The following CLTA variants were observed in gnomAD, a reference collection of about 807,000 sequenced individuals.
CLTA encodes the protein clathrin, light polypeptide (Lca).
Under a neutral mutation model 26.9 loss-of-function variants are expected in CLTA, and 9 were observed. That is an observed-to-expected ratio of 0.33 (90% CI 0.20 to 0.58). The LOEUF is 0.58. CLTA is among the 20% of genes least tolerant of loss of function. CLTA has a pLI of 0.85. For missense variants in CLTA, 278 were observed against 294.2 expected, an observed-to-expected ratio of 0.94 and a Z score of 0.40; for synonymous variants, 120 against 115.5, an observed-to-expected ratio of 1.04 and a Z score of -0.25.
rs749236110 is a variant in CLTA, at chr9:36,191,107, C to T, written c.51C>T (p.Pro17=). 56 of 1,597,722 alleles carry T rather than the reference C, an allele frequency of 3.5e-5. 1 individual carries two copies. The highest frequency in any genetic ancestry group is 5.4e-5 in the African/African-American group (4 of 73,922). ...FGAPAGAPGG[P]ALGNGVAGAG... is the part of the protein sequence containing the mutation. ...CCCCTGCCGGCGCCCCTGGCGGTCC[C>T]GCGCTGGGGAACGGAGTGGCCGGCG... Residue 17 remains proline (P), a synonymous_variant, in exon 1 of 5, where the codon CCC becomes CCT. Transcript: ENST00000345519.
At chr9:36,201,073 G>T (rs533774079) in intron 3 of CLTA, among the ~76,000 whole-genome samples, 1 of 152,080 alleles carries the variant, frequency 6.6e-6, no homozygotes, top group South Asian at 2.1e-4. Context: ...TTTGGTGTCT[G>T]GAAAGATTTA....
At chr9:36,201,273 C>T (rs866552335) in intron 3 of CLTA, among the ~76,000 whole-genome samples, 1 of 152,150 alleles carries the variant, frequency 6.6e-6, no homozygotes, top group African/African-American at 2.4e-5. Flanking sequence ...AGAAAGCACG[C>T]GATGCTAAAA....
In CLTA at chr9:36,190,946, G is replaced by C. The variant is rs1357357426; in HGVS notation, c.-111G>C. The C allele has an allele frequency of 7.0e-7, 1 of 1,428,628 alleles. No individual in the cohort carries two copies. Among genetic ancestry groups the C allele is most frequent in the Non-Finnish European group, 9.1e-7 (1 of 1,099,444 alleles). The allele number at this position is 1,428,628 out of a possible 1,614,324, so 88.5% of individuals were successfully genotyped here. On this transcript the variant is annotated 5_prime_UTR_variant, in exon 1 of 5. Coordinates refer to ENST00000345519, the MANE Select transcript of CLTA (RefSeq NM_001833.4). ...CCGCTTTACCCGTCTCCCTCCTGGC[G>C]CTTGTCCTCCTCTCCCAGTCGGCAC...
intron 4 of CLTA, chr9:36,210,589 G>C (rs776697528): frequency 1.2e-6 from 2 of 1,614,032 alleles, no homozygotes; most frequent in Non-Finnish European, 1.7e-6. Flanking sequence ...CTGACTTAAA[G>C]TTTCTCTCGT....
Position 36,203,974 on chromosome 9 carries a change from C to T in CLTA, c.374-94C>T, listed in dbSNP as rs890693574. ...ACAGGCACACAGACATGGACCTGCACCCACCACAAGTTCAGCAAGACCAAA... is the reference window on the plus strand; with the variant it reads ...ACAGGCACACAGACATGGACCTGCATCCACCACAAGTTCAGCAAGACCAAA... On this transcript the variant is annotated intron_variant, in intron 3 of 4. Transcript: ENST00000345519. 10 of 1,542,884 alleles carry T rather than the reference C, an allele frequency of 6.5e-6. No individual in the cohort carries two copies. The Admixed American group carries it at 9.6e-5, about 15-fold the overall frequency.
chr9:36,201,918 C>G (rs1827437057), intron 3 of CLTA, among the ~76,000 whole-genome samples: 1 of 151,472 alleles, frequency 6.6e-6, no homozygotes, highest in Admixed American at 6.6e-5. Flanking sequence ...TCAAGACCAG[C>G]CTGGGCACCA....
chr9:36,200,941 T>C (rs988512486), intron 3 of CLTA, among the ~76,000 whole-genome samples: 2 of 152,232 alleles, frequency 1.3e-5, no homozygotes, highest in African/African-American at 4.8e-5. Context: ...TTGAGTATGC[T>C]TAGAGGCAAG....
intron 3 of CLTA, among the ~76,000 whole-genome samples, chr9:36,203,082 C>G (rs1046884328): frequency 1.3e-5 from 2 of 152,124 alleles, no homozygotes; most frequent in Non-Finnish European, 2.9e-5. Context: ...ATCCACCTGC[C>G]TCGGCCTCCC....
chr9:36,199,497 T>G (rs905284720), intron 3 of CLTA, among the ~76,000 whole-genome samples: 11 of 151,294 alleles, frequency 7.3e-5, no homozygotes, highest in Non-Finnish European at 1.5e-5. Context: ...TTACCCAGGG[T>G]GGAGTGCAGT....
intron 4 of CLTA, chr9:36,210,508 C>T: frequency 6.5e-7 from 1 of 1,543,576 alleles, no homozygotes; most frequent in Non-Finnish European, 8.8e-7. Flanking sequence ...CGTCCCCAAG[C>T]ACAGATAGAG....
At position 36,211,808 on chromosome 9, in the gene CLTA, A is replaced by G. The variant is rs1385791816; in HGVS notation, c.*34A>G. The G allele has an allele frequency of 2.0e-6, 3 of 1,524,808 alleles. No homozygotes were observed. The highest frequency in any genetic ancestry group is 1.4e-5 in the African/African-American group (1 of 72,998). The allele number at this position is 1,524,808 out of a possible 1,614,324, so 94.5% of individuals were successfully genotyped here. A position where few individuals can be genotyped will look rare whatever the true frequency, so the allele number is the denominator to read the frequency against. On this transcript the variant is annotated 3_prime_UTR_variant, in exon 5 of 5. Transcript: ENST00000345519. ...CCTGTGGAAACACTACATCTGCAAT[A>G]TCTTAATCCTACTCAGTGAAGCTCT... is the stretch of plus-strand genomic sequence containing the variant.
chr9:36,191,187 C>T lies in CLTA; in HGVS notation c.131C>T (p.Ala44Val), dbSNP rs868012291. The T allele has an allele frequency of 1.3e-6, 2 of 1,586,348 alleles. No homozygotes were observed. The highest frequency in any genetic ancestry group is 1.9e-4 in the Middle Eastern group (1 of 5,246). ...AFLAQQESEI[A>V]GIENDEAFAI... ...TTGGCGCAGCAAGAGAGCGAGATTGCGGGCATCGAGAACGACGAGGCCTTC... is the reference window on the plus strand; with the variant it reads ...TTGGCGCAGCAAGAGAGCGAGATTGTGGGCATCGAGAACGACGAGGCCTTC... Residue 44 changes from alanine (A) to valine (V), a missense_variant, in exon 1 of 5, where the codon GCG becomes GTG. Physicochemically the swap from Ala to Val is moderately conservative, Grantham distance 64. Coordinates refer to ENST00000345519, the MANE Select transcript of CLTA (RefSeq NM_001833.4).
At chr9:36,204,242 A>G in intron 4 of CLTA, 63 bp downstream of exon 4, 1 of 1,539,694 alleles carries the variant, frequency 6.5e-7, no homozygotes, top group Middle Eastern at 1.7e-4. Flanking sequence ...CATTCTCAGC[A>G]TCCAGTCTCG....
chr9:36,210,469 C>CA, intron 4 of CLTA: 1 of 650,794 alleles, frequency 1.5e-6, no homozygotes, highest in Non-Finnish European at 1.9e-6. Context: ...TTTTGCTGGG[C>CA]AGCTGGGTGG....
At position 36,190,989 on chromosome 9, in the gene CLTA, G is replaced by A; in HGVS notation, c.-68G>A. On this transcript the variant is annotated 5_prime_UTR_variant, in exon 1 of 5. Transcript: ENST00000345519. ...GTCGGCACCACAGCGGTGGCTGCCG[G>A]GCGTGGTGTCGGTGGGTCGGTTGGT... 6.8e-7 allele frequency: 1 copy of A among 1,465,434 alleles called. No homozygotes were observed. Among genetic ancestry groups the A allele is most frequent in the Non-Finnish European group, 8.9e-7 (1 of 1,118,934 alleles). 90.8% of individuals were successfully genotyped at this position (1,465,434 alleles called of 1,614,324 possible).
Position 36,211,693 on chromosome 9 carries a change from C to T in CLTA, c.576C>T (p.Pro192=), listed in dbSNP as rs1035357644. 38 of 1,613,998 alleles carry T rather than the reference C, an allele frequency of 2.4e-5. No individual in the cohort carries two copies. Among genetic ancestry groups the T allele is most frequent in the Non-Finnish European group, 2.9e-5 (34 of 1,180,002 alleles). ...ERVARLCDFN[P]KSSKQAKDVS... The stretch of plus-strand genomic sequence containing the variant: ...TGGCCCGGCTGTGTGACTTTAACCC[C>T]AAGTCTAGCAAGCAGGCCAAAGATG... The change falls in exon 5 of 5, where the codon CCC becomes CCT. Residue 192 remains proline (P), a synonymous_variant. Transcript: ENST00000345519.
In CLTA at chr9:36,204,463, G is replaced by A. The variant is rs1414230414; in HGVS notation, c.485+284G>A. On this transcript the variant is annotated intron_variant, in intron 4 of 4. Coordinates refer to ENST00000345519, the MANE Select transcript of CLTA (RefSeq NM_001833.4). ...GCCAAGGGAAAAGTTACTTTCCATG[G>A]AACCCTGAAACGAAAGCTGGGTGTC... is the stretch of plus-strand genomic sequence containing the variant. 2.6e-5 allele frequency among the ~76,000 whole-genome samples: 4 copies of A among 152,110 alleles called. No individual in the cohort carries two copies. In the South Asian group the frequency reaches 8.3e-4, roughly 32 times the overall value.
In CLTA at chr9:36,199,188, G is replaced by C. The variant is rs182762607; in HGVS notation, c.373+92G>C. 2.3e-4 allele frequency: 196 copies of C among 837,846 alleles called. No homozygotes were observed. In the African/African-American group the frequency reaches 3.0e-3, roughly 13 times the overall value. The allele number at this position is 837,846 out of a possible 1,614,324, so 51.9% of individuals were successfully genotyped here. ...ATTCCTTTTTAGCTCACATTAACCA[G>C]TGTCATTGTCTGGTCTTTGGGAAGA... is the stretch of plus-strand genomic sequence containing the variant. On this transcript the variant is annotated intron_variant, in intron 3 of 4. Transcript: ENST00000345519.
Position 36,191,109 on chromosome 9 carries a change from C to T in CLTA, c.53C>T (p.Ala18Val). Residue 18 changes from alanine (A) to valine (V), a missense_variant, in exon 1 of 5, where the codon GCG (alanine) becomes GTG (valine). Physicochemically the swap from Ala to Val is moderately conservative, Grantham distance 64. Coordinates refer to ENST00000345519, the MANE Select transcript of CLTA (RefSeq NM_001833.4). ...GAPAGAPGGP[A>V]LGNGVAGAGE... ...CCTGCCGGCGCCCCTGGCGGTCCCG[C>T]GCTGGGGAACGGAGTGGCCGGCGCC... 2 of 1,598,936 alleles carry T rather than the reference C, an allele frequency of 1.3e-6. No individual in the cohort carries two copies. The highest frequency in any genetic ancestry group is 1.1e-5 in the South Asian group (1 of 90,262).
Sources: allele counts gnomAD v4.1 joint callset (sites outside exome capture counted in the v4.1 genomes callset), GRCh38; gene constraint gnomAD v4.1.1; transcripts MANE v1.5; gene names NCBI Gene and HGNC (gene_info 2026-07-23, HGNC 2026-07-21).